Variants in BICRAL observed in about 807,000 individuals in gnomAD.
The protein encoded by BICRAL is BRD4-interacting chromatin-remodeling complex-associated protein-like.
Under a neutral mutation model 91.8 loss-of-function variants are expected in BICRAL, and 8 were observed. That is an observed-to-expected ratio of 0.09 (90% CI 0.05 to 0.16). The LOEUF (loss-of-function observed/expected upper bound fraction) is 0.16. Among genes scored for constraint, BICRAL ranks in the 10% least tolerant of loss-of-function variants. BICRAL has a pLI of 1.00. For synonymous variants in BICRAL, 445 were observed against 491.1 expected (o/e 0.91, Z 1.24); for missense variants, 1,038 against 1,310.9 (o/e 0.79, Z 3.21).
At chr6:42,819,339 G>A (rs1764076920) in intron 2 of BICRAL, among the ~76,000 whole-genome samples, 2 of 152,186 alleles carry the variant, frequency 1.3e-5, no homozygotes, top group South Asian at 2.1e-4. Flanking sequence ...AGGCTGGAGT[G>A]CAGTGGCATG....
chr6:42,859,021 C>T (rs1394680360), intron 10 of BICRAL, among the ~76,000 whole-genome samples: 2 of 151,892 alleles, frequency 1.3e-5, no homozygotes, highest in Non-Finnish European at 2.9e-5. Context: ...AATCTCAGGG[C>T]ACAGTGGTTT....
At chr6:42,751,098 T>A (rs559488684) in intron 1 of BICRAL, among the ~76,000 whole-genome samples, 163 of 151,402 alleles carry the variant, frequency 1.1e-3, no homozygotes, top group African/African-American at 3.6e-3. Flanking sequence ...TTTATTTGAA[T>A]AAGGATCCAA....
At chr6:42,821,847 C>T (rs1371917145) in intron 2 of BICRAL, among the ~76,000 whole-genome samples, 171 bp from the exon 3 acceptor site, 1 of 152,158 alleles carries the variant, frequency 6.6e-6, no homozygotes, top group Admixed American at 6.6e-5. Flanking sequence ...TACTTTATCT[C>T]TCAAATGACC....
At chr6:42,857,637 T>TATATATATATA (rs1554283197) in intron 10 of BICRAL, among the ~76,000 whole-genome samples, 11 of 94,178 alleles carry the variant, frequency 1.2e-4, no homozygotes, top group African/African-American at 6.8e-4. Flanking sequence ...ATATATATAT[T>TATATATATATA]TTTTAGGAGG....
At chr6:42,783,539 C>T (rs1487946407) in intron 1 of BICRAL, among the ~76,000 whole-genome samples, 2 of 152,088 alleles carry the variant, frequency 1.3e-5, no homozygotes, top group South Asian at 2.1e-4. Flanking sequence ...CGGGCGGCGC[C>T]CTCCGAGGAC....
chr6:42,771,981 G>A (rs1762744472), intron 1 of BICRAL, among the ~76,000 whole-genome samples: 1 of 152,152 alleles, frequency 6.6e-6, no homozygotes, highest in African/African-American at 2.4e-5. Flanking sequence ...GTCTGGGGAG[G>A]GGAGGAGGAG....
upstream of BICRAL, among the ~76,000 whole-genome samples, chr6:42,778,078 TTAAA>T (rs1453937103): frequency 6.6e-6 from 1 of 152,238 alleles, no homozygotes; most frequent in Non-Finnish European, 1.5e-5. Flanking sequence ...TGCCATATTA[TTAAA>T]TAATTACAAT....
At chr6:42,804,795 G>A (rs945768859) in intron 1 of BICRAL, among the ~76,000 whole-genome samples, 6 of 152,254 alleles carry the variant, frequency 3.9e-5, no homozygotes, top group South Asian at 2.1e-4. Context: ...GCCTGCCTTC[G>A]GGATGGCAGA....
intron 5 of BICRAL, among the ~76,000 whole-genome samples, chr6:42,828,154 C>G (rs1764356759): frequency 6.6e-6 from 1 of 152,074 alleles, no homozygotes; most frequent in African/African-American, 2.4e-5. Context: ...TGGCTCACTC[C>G]TGTAATCCCA....
chr6:42,856,962 A>T, intron 9 of BICRAL, 129 bp from the exon 10 acceptor site: 2 of 743,458 alleles, frequency 2.7e-6, no homozygotes, highest in Non-Finnish European at 4.3e-6. Flanking sequence ...CTATGGTATA[A>T]AAAATATAAA....
intron 6 of BICRAL, among the ~76,000 whole-genome samples, chr6:42,849,643 G>A (rs1282426835): frequency 6.6e-6 from 1 of 151,178 alleles, no homozygotes; most frequent in Non-Finnish European, 1.5e-5. Flanking sequence ...GTTTCACCGA[G>A]TTAGCCAGGA....
intron 6 of BICRAL, among the ~76,000 whole-genome samples, chr6:42,831,014 T>C (rs565074977): frequency 6.6e-6 from 1 of 152,312 alleles, no homozygotes; most frequent in East Asian, 1.9e-4. Context: ...AAAAGTTAAC[T>C]TACCATTCTA....
intron 1 of BICRAL, among the ~76,000 whole-genome samples, chr6:42,801,267 AG>A (rs1056100569): frequency 7.3e-5 from 11 of 150,790 alleles, no homozygotes; most frequent in African/African-American, 2.2e-4. Context: ...AAAAAAAAAA[AG>A]AGAGCGAGAG....
rs1435732788 is a variant in BICRAL at position 42,865,879 on chromosome 6, A to G, written c.*433A>G. The G allele has an allele frequency of 6.5e-6, 1 of 154,534 alleles. No homozygotes were observed. The highest frequency in any genetic ancestry group is 1.4e-5 in the Non-Finnish European group (1 of 69,462). 9.6% of individuals were successfully genotyped at this position (154,534 alleles called of 1,614,324 possible). On this transcript the variant is annotated 3_prime_UTR_variant, in exon 13 of 13. Coordinates refer to ENST00000314073, the MANE Select transcript of BICRAL (RefSeq NM_001393499.1). ...GACGGATAGAAGCTACTTTTTAAAG[A>G]ATATCCCACTGCATCTGCAAATTTA...
chr6:42,765,950 T>C (rs1479394970), intron 1 of BICRAL, among the ~76,000 whole-genome samples: 1 of 152,212 alleles, frequency 6.6e-6, no homozygotes, highest in Non-Finnish European at 1.5e-5. Context: ...GTTTGTTTGC[T>C]ACTAATTCCA....
At chr6:42,842,814 T>C (rs1376981373) in intron 6 of BICRAL, among the ~76,000 whole-genome samples, 2 of 152,086 alleles carry the variant, frequency 1.3e-5, no homozygotes, top group East Asian at 3.9e-4. Context: ...CATATAACAA[T>C]GTATCCCAGA....
At chr6:42,751,153 CTTT>C (rs751356400) in intron 1 of BICRAL, among the ~76,000 whole-genome samples, 1 of 141,030 alleles carries the variant, frequency 7.1e-6, no homozygotes, top group African/African-American at 2.6e-5. Flanking sequence ...CCTTAAATCA[CTTT>C]TTTTTTTTTT....
In BICRAL at chr6:42,807,544, A is replaced by G. The variant is rs114683621; in HGVS notation, c.-101-2762A>G. ...TTTTTTCATTCATACCTATTTCAGT[A>G]TGGATTTCTAAAAGATACAGATTCT... On this transcript the variant is annotated intron_variant, in intron 1 of 12. Coordinates refer to ENST00000314073, the MANE Select transcript of BICRAL (RefSeq NM_001393499.1). Among the ~76,000 whole-genome samples, 1,073 of 151,846 alleles carry G rather than the reference A, an allele frequency of 7.1e-3. 5 individuals carry two copies. The highest frequency in any genetic ancestry group is 0.023 in the African/African-American group (946 of 41,448).
intron 1 of BICRAL, among the ~76,000 whole-genome samples, chr6:42,788,879 G>C (rs142295134): frequency 6.5e-4 from 99 of 152,194 alleles, no homozygotes; most frequent in African/African-American, 2.2e-3. Flanking sequence ...AGTCAGCTGA[G>C]TTAGTTGTGT....
Sources: gnomAD v4.1 joint callset for allele counts (sites outside exome capture counted in the v4.1 genomes callset) on GRCh38, gnomAD v4.1.1 for gene constraint, MANE v1.5 for transcripts, NCBI Gene and HGNC (gene_info 2026-07-23, HGNC 2026-07-21) for gene names.